The following TDRD7 variants were observed in gnomAD, a reference collection of about 807,000 sequenced individuals.
TDRD7 encodes the protein tudor domain containing 7.
In TDRD7, 47 loss-of-function variants were observed where a neutral mutation model predicts 109.8. The observed-to-expected ratio is 0.43, with a 90% CI of 0.34 to 0.55. The LOEUF is 0.55. Among genes scored for constraint, TDRD7 ranks in the 20% least tolerant of loss-of-function variants. The pLI is 0.03. For missense variants in TDRD7, 1,164 were observed against 1,319.2 expected (o/e 0.88, Z 1.82); for synonymous variants, 424 against 457.3 (o/e 0.93, Z 0.93).
chr9:97,454,142 G>A lies in TDRD7; in HGVS notation c.856-6036G>A, dbSNP rs558636180. ...TTATTCTGAAATTGACCGCATATTTGGAAGTAAAATGCTCCTCAGCAAATG... is the reference window on the plus strand; with the variant it reads ...TTATTCTGAAATTGACCGCATATTTAGAAGTAAAATGCTCCTCAGCAAATG... On this transcript the variant is annotated intron_variant, in intron 6 of 16. Transcript: ENST00000355295. Among the ~76,000 whole-genome samples the A allele has an allele frequency of 9.9e-5, 15 of 152,244 alleles. No homozygotes were observed. In the South Asian group the frequency reaches 3.1e-3, roughly 32 times the overall value.
rs551085328 is a variant in TDRD7 at position 97,463,965 on chromosome 9, G to C, written c.1443-877G>C. On this transcript the variant is annotated intron_variant, in intron 7 of 16. Transcript: ENST00000355295. ...ATTCTTTAATAAGTTTGGAGGGGGG[G>C]TGTCAACGTTGTGTTTAGTGTACTC... Among the ~76,000 whole-genome samples, 96 of 152,290 alleles carry C rather than the reference G, an allele frequency of 6.3e-4. 2 individuals are homozygous for C. In the South Asian group the frequency reaches 0.02, roughly 31 times the overall value.
chr9:97,427,563 T>C (rs1828021381), intron 1 of TDRD7, among the ~76,000 whole-genome samples: 1 of 152,218 alleles, frequency 6.6e-6, no homozygotes, highest in African/African-American at 2.4e-5. Context: ...ATGGCTGTTC[T>C]ATAAGCATTC....
intron 7 of TDRD7, 122 bp from the exon 8 acceptor site, chr9:97,464,720 A>G (rs777248548): frequency 5.2e-6 from 5 of 969,866 alleles, no homozygotes; most frequent in South Asian, 1.3e-5. Flanking sequence ...CTGTTGATAT[A>G]AGCAAGTCTG....
intron 1 of TDRD7, 57 bp from the exon 2 acceptor site, chr9:97,428,403 T>C (rs1828039557): frequency 2.6e-6 from 4 of 1,538,102 alleles, no homozygotes; most frequent in Admixed American, 3.4e-5. Context: ...TGAAAATCTA[T>C]TTGAATTCAC....
At chr9:97,444,065 A>G (rs989147039) in intron 6 of TDRD7, among the ~76,000 whole-genome samples, 2 of 152,170 alleles carry the variant, frequency 1.3e-5, no homozygotes, top group African/African-American at 4.8e-5. Context: ...GAGAGAATAT[A>G]TATCTCTTTG....
At chr9:97,478,644 C>T in intron 13 of TDRD7, 71 bp downstream of exon 13, 2 of 1,594,274 alleles carry the variant, frequency 1.3e-6, no homozygotes. Context: ...TTGTAAGATG[C>T]CTTCTCAGTT....
At chr9:97,494,708 ATATAT>A (rs1206809521) in intron 16 of TDRD7, among the ~76,000 whole-genome samples, 13 of 98,230 alleles carry the variant, frequency 1.3e-4, no homozygotes, top group African/African-American at 3.7e-4. Context: ...ATATATATAT[ATATAT>A]TTTTTTTTTT....
rs112357806 is a variant in TDRD7 at position 97,474,181 on chromosome 9, T to A, written c.2079+555T>A. Among the ~76,000 whole-genome samples, 1,253 of 152,280 alleles carry A rather than the reference T, an allele frequency of 8.2e-3. 44 individuals are homozygous for A. In the East Asian group the frequency reaches 0.11, roughly 13 times the overall value. On this transcript the variant is annotated intron_variant, in intron 11 of 16. Coordinates refer to ENST00000355295, the MANE Select transcript of TDRD7 (RefSeq NM_014290.3). ...AGCTCCTTATCCTTTAATTCTACTA[T>A]TTTTTTCTGAATCGAGCTCTGTAGA... is the stretch of plus-strand genomic sequence containing the variant.
chr9:97,468,964 T>C (rs1340387561), intron 8 of TDRD7, among the ~76,000 whole-genome samples: 1 of 152,120 alleles, frequency 6.6e-6, no homozygotes, highest in South Asian at 2.1e-4. Flanking sequence ...TAAACTGCAG[T>C]TGCCATACAA....
chr9:97,417,091 G>T (rs1827823740), intron 1 of TDRD7, among the ~76,000 whole-genome samples: 1 of 152,144 alleles, frequency 6.6e-6, no homozygotes, highest in African/African-American at 2.4e-5. Flanking sequence ...GTAAGGCTGT[G>T]AGCCACATGT....
rs981466148 is a variant in TDRD7 at position 97,493,867 on chromosome 9, C to T, written c.3077-1796C>T. ...AAGAGAAATATGGCTCTGTTCCGCC[C>T]GGCTTACTGGCAGTCAGAGTTTAAG... On this transcript the variant is annotated intron_variant, in intron 16 of 16. Coordinates refer to ENST00000355295, the MANE Select transcript of TDRD7 (RefSeq NM_014290.3). 9.2e-5 allele frequency among the ~76,000 whole-genome samples: 14 copies of T among 152,296 alleles called. 1 individual carries two copies. The East Asian group carries it at 1.2e-3, about 13-fold the overall frequency.
At chr9:97,469,893 G>A (rs191794887) in intron 8 of TDRD7, among the ~76,000 whole-genome samples, 33 of 152,262 alleles carry the variant, frequency 2.2e-4, no homozygotes, top group Admixed American at 5.2e-4. Context: ...CCTCTGTTCA[G>A]CAGACTTAGG....
At position 97,431,099 on chromosome 9, in the gene TDRD7, T is replaced by C. The variant is rs199543549; in HGVS notation, c.349+25T>C. Reference sequence around the variant, plus strand: ...GGTAGGAGCTTTTTACATGCTAAAATTTTTAGGGCTGTCTACGAATACATT... The same window carrying C: ...GGTAGGAGCTTTTTACATGCTAAAACTTTTAGGGCTGTCTACGAATACATT... On this transcript the variant is annotated intron_variant, in intron 3 of 16. Coordinates refer to ENST00000355295, the MANE Select transcript of TDRD7 (RefSeq NM_014290.3). The C allele has an allele frequency of 1.1e-4, 175 of 1,613,488 alleles. No homozygotes were observed. The African/African-American group carries it at 1.9e-3, about 17-fold the overall frequency.
intron 16 of TDRD7, among the ~76,000 whole-genome samples, chr9:97,493,422 A>G (rs1829338889): frequency 6.6e-6 from 1 of 152,098 alleles, no homozygotes; most frequent in African/African-American, 2.4e-5. Context: ...AAAAGGGGAG[A>G]GAGTGTACAA....
At chr9:97,477,935 C>G (rs971406371) in intron 12 of TDRD7, among the ~76,000 whole-genome samples, 2 of 151,976 alleles carry the variant, frequency 1.3e-5, no homozygotes, top group Non-Finnish European at 2.9e-5. Context: ...TACTGATTAA[C>G]TAGATGTTGA....
At chr9:97,488,655 G>C (rs760254437) in intron 16 of TDRD7, among the ~76,000 whole-genome samples, 1 of 151,506 alleles carries the variant, frequency 6.6e-6, no homozygotes, top group Non-Finnish European at 1.5e-5. Flanking sequence ...CCCAGAGAAG[G>C]CTTCTCTGTG....
chr9:97,447,582 TGAAAA>T (rs1439853896), intron 6 of TDRD7, among the ~76,000 whole-genome samples: 2 of 151,970 alleles, frequency 1.3e-5, no homozygotes, highest in Non-Finnish European at 2.9e-5. Flanking sequence ...AACTTTAACT[TGAAAA>T]GAAATAAAGA....
intron 9 of TDRD7, among the ~76,000 whole-genome samples, chr9:97,471,561 G>A (rs1368296471): frequency 6.6e-6 from 1 of 152,144 alleles, no homozygotes; most frequent in Non-Finnish European, 1.5e-5. Context: ...AGAACAAGAA[G>A]AAGAAAAAAC....
At chr9:97,472,146 A>G (rs1395274830) in intron 9 of TDRD7, 147 bp from the exon 10 acceptor site, 4 of 727,340 alleles carry the variant, frequency 5.5e-6, no homozygotes, top group African/African-American at 5.4e-5. Flanking sequence ...TAAGATAAAG[A>G]TTGTAAAACA....
Sources: allele counts gnomAD v4.1 joint callset (sites outside exome capture counted in the v4.1 genomes callset), GRCh38; gene constraint gnomAD v4.1.1; transcripts MANE v1.5; gene names NCBI Gene and HGNC (gene_info 2026-07-23, HGNC 2026-07-21).